Variants in RBM47 observed in about 807,000 individuals in gnomAD.
RBM47 encodes RNA binding motif protein 47.
RBM47 carries 21 observed loss-of-function variants against 47.1 expected under a neutral mutation model. The observed-to-expected ratio is 0.45, with a 90% CI of 0.32 to 0.64. The LOEUF (loss-of-function observed/expected upper bound fraction) is 0.64, where lower values mean the gene tolerates loss of function less well. RBM47 is among the 30% of genes least tolerant of loss of function. The probability of loss-of-function intolerance (pLI) is 0.05; values close to 1 mark genes in which losing one functional copy is unlikely to be tolerated. For missense variants in RBM47, 708 were observed against 870.9 expected (o/e 0.81, Z 2.35); for synonymous variants, 375 against 361.7 (o/e 1.04, Z -0.42).
intron 1 of RBM47, among the ~76,000 whole-genome samples, chr4:40,585,076 C>A (rs180684121): frequency 2.0e-5 from 3 of 152,206 alleles, no homozygotes; most frequent in Non-Finnish European, 4.4e-5. Context: ...CTTTGCTTTT[C>A]TAACAGGTTT....
chr4:40,538,218 A>G (rs996671543), intron 2 of RBM47, among the ~76,000 whole-genome samples: 3 of 152,090 alleles, frequency 2.0e-5, no homozygotes, highest in African/African-American at 7.2e-5. Flanking sequence ...GGTAGTGAAT[A>G]TACTCCCTGG....
chr4:40,434,030 T>C (rs1711876487), intron 5 of RBM47, among the ~76,000 whole-genome samples: 1 of 143,042 alleles, frequency 7.0e-6, no homozygotes, highest in Non-Finnish European at 1.5e-5. Flanking sequence ...TGTGTGTGTG[T>C]GTGTGTGTGT....
At chr4:40,533,174 C>T (rs1290674064) in intron 2 of RBM47, among the ~76,000 whole-genome samples, 1 of 152,166 alleles carries the variant, frequency 6.6e-6, no homozygotes, top group Non-Finnish European at 1.5e-5. Flanking sequence ...TGGCTTACAC[C>T]TGCAATCCCA....
intron 1 of RBM47, among the ~76,000 whole-genome samples, chr4:40,548,250 G>A (rs1729209587): frequency 6.6e-6 from 1 of 152,240 alleles, no homozygotes; most frequent in Non-Finnish European, 1.5e-5. Flanking sequence ...TTTCCAGACA[G>A]AACAGTCAGT....
intron 1 of RBM47, among the ~76,000 whole-genome samples, chr4:40,586,876 G>A (rs547675267): frequency 6.6e-6 from 1 of 152,180 alleles, no homozygotes; most frequent in African/African-American, 2.4e-5. Context: ...AGGGGCAGGA[G>A]GGGATTCACA....
intron 2 of RBM47, among the ~76,000 whole-genome samples, chr4:40,511,462 C>A (rs567284223): frequency 1.2e-4 from 18 of 152,252 alleles, no homozygotes; most frequent in Admixed American, 1.1e-3. Flanking sequence ...ATACAGCCAA[C>A]CTGACATAGA....
chr4:40,624,789 GTTA>G (rs1280391765), intron 1 of RBM47, among the ~76,000 whole-genome samples: 1 of 147,922 alleles, frequency 6.8e-6, no homozygotes, highest in Non-Finnish European at 1.5e-5. Flanking sequence ...CAAGAACCAT[GTTA>G]TTATTTTTTA....
At chr4:40,621,299 A>G (rs1029253713) in intron 1 of RBM47, among the ~76,000 whole-genome samples, 3 of 152,232 alleles carry the variant, frequency 2.0e-5, no homozygotes, top group African/African-American at 7.2e-5. Flanking sequence ...GTGCCTCCAA[A>G]GGCCACGAAA....
At chr4:40,584,985 T>C (rs1733404936) in intron 1 of RBM47, among the ~76,000 whole-genome samples, 1 of 152,218 alleles carries the variant, frequency 6.6e-6, no homozygotes, top group South Asian at 2.1e-4. Context: ...TGACCATATC[T>C]ACAGGTTCCA....
intron 1 of RBM47, among the ~76,000 whole-genome samples, chr4:40,595,234 G>T (rs1734638359): frequency 6.6e-6 from 1 of 152,242 alleles, no homozygotes; most frequent in African/African-American, 2.4e-5. Context: ...GGTGGCTCAT[G>T]CCTGTATTCC....
At position 40,520,442 on chromosome 4, in the gene RBM47, G is replaced by A. The variant is rs76556754; in HGVS notation, c.-155+23980C>T. On this transcript the variant is annotated intron_variant, in intron 2 of 6. Coordinates refer to ENST00000295971, the MANE Select transcript of RBM47 (RefSeq NM_001098634.2). ...TGTCTCTGGGGAGTGCTGCTCTATCGCCCCAGGCCTATTCCAAAGCATCTT... is the reference window on the plus strand; with the variant it reads ...TGTCTCTGGGGAGTGCTGCTCTATCACCCCAGGCCTATTCCAAAGCATCTT... Among the ~76,000 whole-genome samples the A allele has an allele frequency of 5.7e-3, 871 of 151,866 alleles. 8 individuals carry two copies. The highest frequency in any genetic ancestry group is 0.02 in the African/African-American group (836 of 41,182).
intron 6 of RBM47, among the ~76,000 whole-genome samples, chr4:40,430,688 T>C (rs1715841504): frequency 6.6e-6 from 1 of 152,222 alleles, no homozygotes; most frequent in Non-Finnish European, 1.5e-5. Context: ...GTCACAGGCC[T>C]GGCTCTGTTT....
chr4:40,423,688 C>CT lies in RBM47; in HGVS notation c.*2215dup, dbSNP rs1431124706. The CT allele has an allele frequency of 9.4e-6, 1 of 106,710 alleles. No individual in the cohort carries two copies. Among genetic ancestry groups the CT allele is most frequent in the African/African-American group, 4.3e-5 (1 of 23,500 alleles). 6.6% of individuals were successfully genotyped at this position (106,710 alleles called of 1,614,324 possible). A position where few individuals can be genotyped will look rare whatever the true frequency, so the allele number is the denominator to read the frequency against. ...TCTTTCTTTCTTTCTTTCTTTCTTT[C>CT]TTTCTTTCTTTCTTTCTTTCTTTCT... On this transcript the variant is annotated 3_prime_UTR_variant, in exon 7 of 7. Coordinates refer to ENST00000295971, the MANE Select transcript of RBM47 (RefSeq NM_001098634.2).
intron 2 of RBM47, among the ~76,000 whole-genome samples, chr4:40,503,663 A>G (rs535561115): frequency 6.6e-6 from 1 of 152,304 alleles, no homozygotes; most frequent in South Asian, 2.1e-4. Flanking sequence ...TATGTATTAT[A>G]TGCTGCTTCT....
intron 2 of RBM47, among the ~76,000 whole-genome samples, chr4:40,528,892 G>A (rs928414606): frequency 2.0e-5 from 3 of 151,474 alleles, no homozygotes; most frequent in Non-Finnish European, 4.4e-5. Flanking sequence ...GCAGTGAGCC[G>A]AGATCCCGCC....
chr4:40,583,025 T>C (rs1733104806), intron 1 of RBM47, among the ~76,000 whole-genome samples: 1 of 151,824 alleles, frequency 6.6e-6, no homozygotes, highest in Non-Finnish European at 1.5e-5. Flanking sequence ...ACTAGTAGAG[T>C]AAGTGGAATG....
Position 40,610,610 on chromosome 4 carries a change from C to CAA in RBM47, c.-240+18784_-240+18785dup, listed in dbSNP as rs34149753. Reference sequence around the variant, plus strand: ...GGGGCGACAGAGTGAGACTCCATCTCAAAAAAAAAAAAAAAAAAAAAGAAC... The same window carrying CAA: ...GGGGCGACAGAGTGAGACTCCATCTCAAAAAAAAAAAAAAAAAAAAAAAGAAC... On this transcript the variant is annotated intron_variant, in intron 1 of 6. Coordinates refer to ENST00000295971, the MANE Select transcript of RBM47 (RefSeq NM_001098634.2). 3.0e-3 allele frequency among the ~76,000 whole-genome samples: 158 copies of CAA among 52,456 alleles called. 2 individuals are homozygous for CAA. The South Asian group carries it at 0.038, about 13-fold the overall frequency. The allele number at this position is 52,456 out of a possible 152,430, so 34.4% of individuals were successfully genotyped here. A position where few individuals can be genotyped will look rare whatever the true frequency, so the allele number is the denominator to read the frequency against.
In RBM47 at chr4:40,438,926, TG is replaced by T; in HGVS notation, c.-31-3del. 1 of 1,497,962 alleles carries T rather than the reference TG, an allele frequency of 6.7e-7. No individual in the cohort carries two copies. The highest frequency in any genetic ancestry group is 8.9e-7 in the Non-Finnish European group (1 of 1,126,024). 92.8% of individuals were successfully genotyped at this position (1,497,962 alleles called of 1,614,324 possible). A position where few individuals can be genotyped will look rare whatever the true frequency, so the allele number is the denominator to read the frequency against. On this transcript the variant is annotated splice_region_variant and splice_polypyrimidine_tract_variant and intron_variant, in intron 3 of 6. Transcript: ENST00000295971. ...AAGGCATCCACAGCTGGCGGAAACC[TG>T]GGGAAGCAGAAAGAAGCGTGAGTGG...
intron 1 of RBM47, among the ~76,000 whole-genome samples, chr4:40,626,261 A>C (rs1298783694): frequency 1.3e-5 from 2 of 152,232 alleles, no homozygotes; most frequent in Non-Finnish European, 2.9e-5. Flanking sequence ...GTGTACTTAA[A>C]CCACACAGAA....
Sources: allele counts gnomAD v4.1 joint callset (sites outside exome capture counted in the v4.1 genomes callset), GRCh38; gene constraint gnomAD v4.1.1; transcripts MANE v1.5; gene names NCBI Gene and HGNC (gene_info 2026-07-23, HGNC 2026-07-21).